SLC24A4: variants seen among roughly 807,000 people sequenced by gnomAD.
SLC24A4 encodes sodium/potassium/calcium exchanger 4.
In SLC24A4, 53 loss-of-function variants were observed where a neutral mutation model predicts 79.0. The ratio of observed to expected loss-of-function variants is 0.67; its 90% CI spans 0.54 to 0.84. SLC24A4 has a LOEUF of 0.84. Ranked by LOEUF, SLC24A4 falls within the 40% of genes least tolerant of loss-of-function variation. The pLI is 0.00. For missense variants in SLC24A4, 731 were observed against 822.0 expected (o/e 0.89, Z 1.35); for synonymous variants, 323 against 323.8 (o/e 1.00, Z 0.03).
At chr14:92,467,599 A>G (rs1041489107) in intron 12 of SLC24A4, among the ~76,000 whole-genome samples, 1 of 152,212 alleles carries the variant, frequency 6.6e-6, no homozygotes, top group African/African-American at 2.4e-5. Flanking sequence ...CCCAAGGGAC[A>G]CTGTCGACCA....
At chr14:92,393,313 A>G (rs1305142373) in intron 2 of SLC24A4, among the ~76,000 whole-genome samples, 2 of 152,246 alleles carry the variant, frequency 1.3e-5, no homozygotes, top group Admixed American at 6.5e-5. Context: ...CTTCATTTGT[A>G]GAATCCAAGC....
chr14:92,434,369 C>T lies in SLC24A4; in HGVS notation c.318+381C>T, dbSNP rs910646206. On this transcript the variant is annotated intron_variant, in intron 3 of 16. Coordinates refer to ENST00000532405, the MANE Select transcript of SLC24A4 (RefSeq NM_153646.4). Reference sequence around the variant, plus strand: ...CTGCTGTCCTGATTCCCATGACTACCCCTAAATTTTAATACCTTTACATCA... The same window carrying T: ...CTGCTGTCCTGATTCCCATGACTACTCCTAAATTTTAATACCTTTACATCA... Among the ~76,000 whole-genome samples the T allele has an allele frequency of 2.0e-5, 3 of 152,082 alleles. No individual in the cohort carries two copies. The South Asian group carries it at 6.2e-4, about 32-fold the overall frequency.
At chr14:92,378,869 G>A (rs987697076) in intron 2 of SLC24A4, among the ~76,000 whole-genome samples, 2 of 152,198 alleles carry the variant, frequency 1.3e-5, no homozygotes, top group Admixed American at 1.3e-4. Flanking sequence ...GGGCAACGTA[G>A]TGAGACCCTG....
chr14:92,416,853 A>C (rs564144712), intron 2 of SLC24A4, among the ~76,000 whole-genome samples: 88 of 152,350 alleles, frequency 5.8e-4, no homozygotes, highest in African/African-American at 2.1e-3. Context: ...AATGAGGCAG[A>C]CTTTTCTTGT....
chr14:92,373,194 GCACA>G, intron 2 of SLC24A4, among the ~76,000 whole-genome samples: 1 of 31,152 alleles, frequency 3.2e-5, no homozygotes, highest in East Asian at 1.4e-3. Context: ...ACACACACAC[GCACA>G]CACACACACA....
At chr14:92,347,508 T>C (rs1474278668) in intron 2 of SLC24A4, among the ~76,000 whole-genome samples, 1 of 152,258 alleles carries the variant, frequency 6.6e-6, no homozygotes, top group East Asian at 1.9e-4. Context: ...TTATGCTCAA[T>C]TGCTTTAGAT....
intron 2 of SLC24A4, among the ~76,000 whole-genome samples, chr14:92,364,839 G>T (rs184808968): frequency 1.3e-5 from 2 of 152,220 alleles, no homozygotes; most frequent in African/African-American, 4.8e-5. Flanking sequence ...TCTCAAGCAT[G>T]TCTGGCACAG....
intron 13 of SLC24A4, among the ~76,000 whole-genome samples, chr14:92,483,539 T>C (rs938431228): frequency 3.3e-5 from 5 of 152,102 alleles, no homozygotes; most frequent in African/African-American, 9.7e-5. Context: ...TCAGATTTCG[T>C]TGGATGGGAG....
intron 2 of SLC24A4, among the ~76,000 whole-genome samples, chr14:92,402,670 A>G (rs1204454176): frequency 6.6e-6 from 1 of 151,818 alleles, no homozygotes; most frequent in Non-Finnish European, 1.5e-5. Context: ...GAAGACAAGG[A>G]GGAGCAAGGC....
intron 12 of SLC24A4, among the ~76,000 whole-genome samples, chr14:92,464,448 TGCCA>T (rs1893981135): frequency 6.6e-6 from 1 of 152,102 alleles, no homozygotes; most frequent in Non-Finnish European, 1.5e-5. Flanking sequence ...TGAACAAGAA[TGCCA>T]GCAACGAAAG....
At chr14:92,445,035 A>C (rs1892720730) in intron 7 of SLC24A4, among the ~76,000 whole-genome samples, 1 of 151,918 alleles carries the variant, frequency 6.6e-6, no homozygotes. Context: ...GAATAAGGGG[A>C]GGCTTCTGCC....
intron 2 of SLC24A4, among the ~76,000 whole-genome samples, chr14:92,381,605 A>G (rs533445019): frequency 2.0e-5 from 3 of 152,308 alleles, no homozygotes; most frequent in Admixed American, 1.3e-4. Context: ...CTTAAAGTAC[A>G]ATTTAAAAAA....
chr14:92,416,122 GGTGTGT>G (rs34411259), intron 2 of SLC24A4, among the ~76,000 whole-genome samples: 3,152 of 147,990 alleles, frequency 0.021, 124 homozygotes, highest in African/African-American at 0.07. Context: ...TTGTGTGTGT[GGTGTGT>G]GTGTGTGTGT....
intron 2 of SLC24A4, among the ~76,000 whole-genome samples, chr14:92,370,157 TA>T (rs1367548943): frequency 6.6e-6 from 1 of 152,248 alleles, no homozygotes; most frequent in South Asian, 2.1e-4. Flanking sequence ...AGATAGCTTT[TA>T]AAAAATTGCA....
intron 1 of SLC24A4, 67 bp downstream of exon 1, chr14:92,324,027 G>A: frequency 1.3e-6 from 2 of 1,550,110 alleles, no homozygotes; most frequent in Non-Finnish European, 8.7e-7. Context: ...TCTCGGGGCG[G>A]CTGCGAGATG....
intron 13 of SLC24A4, chr14:92,483,736 A>C (rs1182495188): frequency 3.9e-6 from 5 of 1,289,782 alleles, no homozygotes; most frequent in Middle Eastern, 2.1e-4. Flanking sequence ...AGGAGCAAAG[A>C]GAGGGGAAGC....
intron 1 of SLC24A4, 109 bp downstream of exon 1, chr14:92,324,069 A>G: frequency 1.4e-6 from 2 of 1,443,098 alleles, no homozygotes; most frequent in Non-Finnish European, 9.2e-7. Context: ...GGTTGGTCCC[A>G]AGGGTTCATC....
chr14:92,453,165 T>A (rs1893249233), intron 10 of SLC24A4: 1 of 152,270 alleles, frequency 6.6e-6, no homozygotes, highest in African/African-American at 2.4e-5. Context: ...TTCCTCCCCA[T>A]TGTGAGGGGA....
chr14:92,444,148 A>C (rs1413421994), intron 7 of SLC24A4, among the ~76,000 whole-genome samples: 1 of 152,162 alleles, frequency 6.6e-6, no homozygotes, highest in Non-Finnish European at 1.5e-5. Context: ...GATGTCTGCG[A>C]TGATTCTACA....
Sources: gnomAD v4.1 joint callset for allele counts (sites outside exome capture counted in the v4.1 genomes callset) on GRCh38, gnomAD v4.1.1 for gene constraint, MANE v1.5 for transcripts, NCBI Gene and HGNC (gene_info 2026-07-23, HGNC 2026-07-21) for gene names.